NKAIN2: variants seen among roughly 807,000 people sequenced by gnomAD.
NKAIN2 encodes sodium/potassium transporting ATPase interacting 2, also known as sodium/potassium-transporting ATPase subunit beta-1-interacting protein 2.
NKAIN2 carries 14 observed loss-of-function variants against 32.6 expected under a neutral mutation model. The ratio of observed to expected loss-of-function variants is 0.43; its 90% CI spans 0.28 to 0.67. The LOEUF (loss-of-function observed/expected upper bound fraction) is 0.67. Among genes scored for constraint, NKAIN2 ranks in the 30% least tolerant of loss-of-function variants. The probability of loss-of-function intolerance (pLI) is 0.17; values close to 1 mark genes in which losing one functional copy is unlikely to be tolerated. For missense variants in NKAIN2, 198 were observed against 258.3 expected, an observed-to-expected ratio of 0.77 and a Z score of 1.60; for synonymous variants, 80 against 87.2, an observed-to-expected ratio of 0.92 and a Z score of 0.46.
chr6:124,311,394 A>G (rs1396569734), intron 2 of NKAIN2, among the ~76,000 whole-genome samples: 2 of 152,150 alleles, frequency 1.3e-5, no homozygotes, highest in African/African-American at 2.4e-5. Context: ...AAGTTTCCCC[A>G]CTTGTACAAA....
At chr6:124,286,659 TGTGTGTGTGTGTGTGCGCGCGC>T (rs1237697336) in intron 2 of NKAIN2, among the ~76,000 whole-genome samples, 72 of 122,884 alleles carry the variant, frequency 5.9e-4, no homozygotes, top group African/African-American at 3.4e-3. Flanking sequence ...TGTGTGTGTG[TGTGTGTGTGTGTGTGCGCGCGC>T]GTGTGTGTGT....
chr6:124,561,095 A>G (rs528963), intron 3 of NKAIN2, among the ~76,000 whole-genome samples: 130,031 of 151,808 alleles, frequency 0.86, 56,331 homozygotes, highest in East Asian at 1. Context: ...GTCTTGTTTC[A>G]GGGCACAGAG....
At chr6:124,624,590 C>T (rs962879435) in intron 3 of NKAIN2, among the ~76,000 whole-genome samples, 1 of 152,102 alleles carries the variant, frequency 6.6e-6, no homozygotes, top group African/African-American at 2.4e-5. Context: ...TTTTCAAAAT[C>T]CTAAATGTAA....
chr6:124,005,010 A>G (rs942034707), intron 1 of NKAIN2, among the ~76,000 whole-genome samples: 9 of 151,998 alleles, frequency 5.9e-5, no homozygotes, highest in African/African-American at 1.9e-4. Flanking sequence ...GACTCACTTG[A>G]GTTCAGGAGT....
At chr6:124,500,011 A>G (rs749341528) in intron 3 of NKAIN2, among the ~76,000 whole-genome samples, 3 of 152,174 alleles carry the variant, frequency 2.0e-5, no homozygotes, top group Admixed American at 2.0e-4. Context: ...AAATATTACC[A>G]ATCTATTGCT....
intron 1 of NKAIN2, among the ~76,000 whole-genome samples, chr6:124,214,155 A>G (rs1288027030): frequency 3.9e-5 from 6 of 152,194 alleles, no homozygotes; most frequent in African/African-American, 1.4e-4. Context: ...AAATATTCTC[A>G]TCATAACTAG....
At chr6:124,547,395 G>A (rs1780133095) in intron 3 of NKAIN2, among the ~76,000 whole-genome samples, 1 of 152,070 alleles carries the variant, frequency 6.6e-6, no homozygotes. Flanking sequence ...TGAATGATAT[G>A]AAGTATTCAG....
chr6:124,785,938 T>G (rs1442818563), intron 4 of NKAIN2, among the ~76,000 whole-genome samples: 3 of 152,152 alleles, frequency 2.0e-5, no homozygotes, highest in Non-Finnish European at 4.4e-5. Context: ...AAGTCTTGGC[T>G]CCCTACTCTT....
At chr6:124,405,075 T>C (rs1773789599) in intron 3 of NKAIN2, among the ~76,000 whole-genome samples, 1 of 152,210 alleles carries the variant, frequency 6.6e-6, no homozygotes. Flanking sequence ...TAGTGTCCAC[T>C]GCACTACTTT....
rs576150203 is a variant in NKAIN2, at chr6:124,211,801, G to C, written c.55-71204G>C. 1.9e-4 allele frequency among the ~76,000 whole-genome samples: 29 copies of C among 152,080 alleles called. No homozygotes were observed. The South Asian group carries it at 5.8e-3, about 30-fold the overall frequency. On this transcript the variant is annotated intron_variant, in intron 1 of 6. Transcript: ENST00000368417. ...TTGTCTGTACAGTGACAAACTATTT[G>C]AACAGAAAAAGTTAAAAGTCGAAAA... is the stretch of plus-strand genomic sequence containing the variant.
At chr6:123,975,331 T>C (rs1480175849) in intron 1 of NKAIN2, among the ~76,000 whole-genome samples, 1 of 152,224 alleles carries the variant, frequency 6.6e-6, no homozygotes, top group Non-Finnish European at 1.5e-5. Context: ...ATTATAGAAT[T>C]ATCTATTTTC....
At chr6:124,277,148 T>C (rs1795071674) in intron 1 of NKAIN2, among the ~76,000 whole-genome samples, 1 of 152,138 alleles carries the variant, frequency 6.6e-6, no homozygotes, top group Non-Finnish European at 1.5e-5. Context: ...TAATGTTGTT[T>C]TAAGATCTCT....
chr6:124,407,710 C>T (rs576557015), intron 3 of NKAIN2, among the ~76,000 whole-genome samples: 53 of 151,968 alleles, frequency 3.5e-4, no homozygotes, highest in African/African-American at 1.2e-3. Context: ...GGTATATACC[C>T]AGTAATGAGA....
intron 3 of NKAIN2, among the ~76,000 whole-genome samples, chr6:124,652,666 G>A (rs1056823211): frequency 6.6e-6 from 1 of 152,108 alleles, no homozygotes; most frequent in Non-Finnish European, 1.5e-5. Flanking sequence ...ATCCATCAAA[G>A]TCCTTCTTGT....
intron 1 of NKAIN2, among the ~76,000 whole-genome samples, chr6:123,883,229 C>A (rs78418006): frequency 0.013 from 1,926 of 152,214 alleles, 44 homozygotes; most frequent in East Asian, 0.11. Flanking sequence ...ACTGCAAGCT[C>A]CGCCTCCTGG....
chr6:124,395,929 T>C (rs1251660991), intron 3 of NKAIN2, among the ~76,000 whole-genome samples: 1 of 152,180 alleles, frequency 6.6e-6, no homozygotes, highest in Non-Finnish European at 1.5e-5. Flanking sequence ...ATTCTTTAAC[T>C]GTGTTCAACA....
At chr6:124,222,075 G>T (rs1333113582) in intron 1 of NKAIN2, among the ~76,000 whole-genome samples, 1 of 152,126 alleles carries the variant, frequency 6.6e-6, no homozygotes, top group African/African-American at 2.4e-5. Context: ...ATCCCGTAAA[G>T]GATGATCTGG....
intron 4 of NKAIN2, among the ~76,000 whole-genome samples, chr6:124,663,018 C>T (rs1181763960): frequency 2.0e-5 from 3 of 152,108 alleles, no homozygotes; most frequent in Non-Finnish European, 4.4e-5. Context: ...TTGCCATGGC[C>T]ATGGGACTAT....
At chr6:123,881,754 G>A (rs1006119353) in intron 1 of NKAIN2, among the ~76,000 whole-genome samples, 1 of 152,186 alleles carries the variant, frequency 6.6e-6, no homozygotes, top group Non-Finnish European at 1.5e-5. Flanking sequence ...TGATATGACA[G>A]AAAGATGAGA....
Sources: allele counts gnomAD v4.1 joint callset (sites outside exome capture counted in the v4.1 genomes callset), GRCh38; gene constraint gnomAD v4.1.1; transcripts MANE v1.5; gene names NCBI Gene and HGNC (gene_info 2026-07-23, HGNC 2026-07-21).